Variants in GLIS3 observed in about 807,000 individuals in gnomAD.
GLIS3 encodes the protein GLIS family zinc finger 3, also known as zinc finger protein GLIS3.
GLIS3 carries 53 observed loss-of-function variants against 78.6 expected under a neutral mutation model. The observed-to-expected ratio is 0.67, with a 90% CI of 0.54 to 0.85. The LOEUF is 0.85. Among genes scored for constraint, GLIS3 ranks in the 40% least tolerant of loss-of-function variants. The pLI, the probability that GLIS3 is intolerant of heterozygous loss-of-function variation, is 0.00. For missense variants in GLIS3, 1,703 were observed against 1,231.1 expected, an observed-to-expected ratio of 1.38 and a Z score of -5.74; for synonymous variants, 684 against 509.9, an observed-to-expected ratio of 1.34 and a Z score of -4.60.
intron 6 of GLIS3, among the ~76,000 whole-genome samples, chr9:3,906,166 G>A (rs190892662): frequency 2.0e-4 from 30 of 152,342 alleles, no homozygotes; most frequent in Admixed American, 1.8e-3. Flanking sequence ...TCAAGCACAT[G>A]AAGATTCCGT....
the GLIS3 span, among the ~76,000 whole-genome samples, chr9:4,374,347 G>C: frequency 6.6e-6 from 1 of 152,230 alleles, no homozygotes; most frequent in Non-Finnish European, 1.5e-5. Context: ...GGAAAGGGCT[G>C]CTGTGGATAC....
At chr9:3,849,361 G>A (rs1011021102) in intron 9 of GLIS3, among the ~76,000 whole-genome samples, 7 of 152,182 alleles carry the variant, frequency 4.6e-5, no homozygotes, top group Admixed American at 3.9e-4. Context: ...GTTAAGTATG[G>A]CAATGCGCTA....
At chr9:4,362,977 G>C in the GLIS3 span, among the ~76,000 whole-genome samples, 1 of 152,056 alleles carries the variant, frequency 6.6e-6, no homozygotes, top group Non-Finnish European at 1.5e-5. Flanking sequence ...GAAGATAGAG[G>C]CAGAAGAAAA....
chr9:3,953,798 TA>T (rs1563886720), intron 4 of GLIS3, among the ~76,000 whole-genome samples: 45 of 103,706 alleles, frequency 4.3e-4, no homozygotes, highest in African/African-American at 1.6e-3. Flanking sequence ...TCTCTCTCTA[TA>T]TATATATATA....
chr9:4,462,100 T>G, the GLIS3 span, among the ~76,000 whole-genome samples: 16 of 152,190 alleles, frequency 1.1e-4, no homozygotes, highest in Non-Finnish European at 2.2e-4. Flanking sequence ...AGATTATTTT[T>G]GCCCATGGGC....
chr9:4,182,717 A>G (rs1228487562), intron 2 of GLIS3, among the ~76,000 whole-genome samples: 2 of 152,220 alleles, frequency 1.3e-5, no homozygotes, highest in African/African-American at 4.8e-5. Context: ...ATATGAGATC[A>G]TTGGCGACTA....
chr9:4,047,717 G>C (rs917427231), intron 4 of GLIS3, among the ~76,000 whole-genome samples: 33 of 152,168 alleles, frequency 2.2e-4, no homozygotes, highest in Non-Finnish European at 3.8e-4. Context: ...AGTCGGCTCA[G>C]TGTGCTACCC....
intron 9 of GLIS3, chr9:3,855,756 C>G (rs1819739486): frequency 2.1e-6 from 1 of 486,430 alleles, no homozygotes; most frequent in African/African-American, 1.9e-5. Context: ...GTGTTAGAGC[C>G]CTGGCCAATG....
At chr9:4,356,455 C>A in the GLIS3 span, among the ~76,000 whole-genome samples, 60 of 152,326 alleles carry the variant, frequency 3.9e-4, no homozygotes, top group Middle Eastern at 3.4e-3. Context: ...CCAGAGATAA[C>A]AACTTTCACA....
At chr9:4,261,483 T>C (rs919926997) in intron 2 of GLIS3, among the ~76,000 whole-genome samples, 4 of 152,054 alleles carry the variant, frequency 2.6e-5, no homozygotes, top group African/African-American at 9.7e-5. Flanking sequence ...GGGAAGAATA[T>C]CTCTATGGTA....
chr9:4,458,532 G>A, the GLIS3 span, among the ~76,000 whole-genome samples: 4 of 152,320 alleles, frequency 2.6e-5, 1 homozygote, highest in Middle Eastern at 6.8e-3. Context: ...GCTCACTCCT[G>A]TAATCCCAGC....
intron 4 of GLIS3, among the ~76,000 whole-genome samples, chr9:4,040,064 A>G (rs1824669975): frequency 6.6e-6 from 1 of 152,114 alleles, no homozygotes; most frequent in African/African-American, 2.4e-5. Flanking sequence ...GTTTAATGAA[A>G]TTACATCCTC....
At chr9:3,839,094 A>AGTAGC (rs1818556652) in intron 9 of GLIS3, among the ~76,000 whole-genome samples, 1 of 152,216 alleles carries the variant, frequency 6.6e-6, no homozygotes. Flanking sequence ...TTTCTTCTTA[A>AGTAGC]GTAGCCTTCT....
In GLIS3 at chr9:4,063,931, G is replaced by C. The variant is rs552915200; in HGVS notation, c.1710+53837C>G. 7.9e-5 allele frequency among the ~76,000 whole-genome samples: 12 copies of C among 152,162 alleles called. No homozygotes were observed. In the South Asian group the frequency reaches 1.5e-3, roughly 18 times the overall value. ...TGAAAAAAGTGAAATCATAAGTAAA[G>C]AAGAACAGATCACAAAATTTCCTGT... On this transcript the variant is annotated intron_variant, in intron 4 of 10. Coordinates refer to ENST00000381971, the MANE Select transcript of GLIS3 (RefSeq NM_001042413.2).
chr9:4,317,789 G>A (rs1414225090), intron 2 of GLIS3, among the ~76,000 whole-genome samples: 1 of 152,154 alleles, frequency 6.6e-6, no homozygotes, highest in African/African-American at 2.4e-5. Flanking sequence ...TTTTGTCTGG[G>A]ACCTAAAGAA....
chr9:4,110,300 C>T (rs1222984509), intron 4 of GLIS3, among the ~76,000 whole-genome samples: 3 of 152,172 alleles, frequency 2.0e-5, no homozygotes, highest in African/African-American at 4.8e-5. Flanking sequence ...AAAGTATATG[C>T]TCACCCTAAT....
chr9:4,164,909 G>T (rs369925010), intron 2 of GLIS3, among the ~76,000 whole-genome samples: 1 of 152,186 alleles, frequency 6.6e-6, no homozygotes, highest in East Asian at 1.9e-4. Context: ...TAGCAGAGCA[G>T]CTGGAGTCTA....
chr9:3,908,728 T>TTTTTC (rs1554644779), intron 6 of GLIS3, among the ~76,000 whole-genome samples: 1 of 138,276 alleles, frequency 7.2e-6, no homozygotes, highest in African/African-American at 2.7e-5. Flanking sequence ...TTTTTTTTTT[T>TTTTTC]GTACAGGATT....
chr9:4,334,501 C>T (rs936532047), intron 2 of GLIS3, among the ~76,000 whole-genome samples: 2 of 152,206 alleles, frequency 1.3e-5, no homozygotes, highest in African/African-American at 2.4e-5. Context: ...CAAGTCCAAG[C>T]TAGGGCAGAC....
Sources: gnomAD v4.1 joint callset for allele counts (sites outside exome capture counted in the v4.1 genomes callset) on GRCh38, gnomAD v4.1.1 for gene constraint, MANE v1.5 for transcripts, NCBI Gene and HGNC (gene_info 2026-07-23, HGNC 2026-07-21) for gene names.